The following RAI14 variants were observed in gnomAD, a reference collection of about 807,000 sequenced individuals.
RAI14 encodes the protein ankycorbin.
A neutral mutation model predicts 115.4 loss-of-function variants in RAI14; 45 were observed. The observed-to-expected ratio is 0.39, with a 90% CI of 0.31 to 0.50. RAI14 has a LOEUF of 0.50. RAI14 is among the 20% of genes least tolerant of loss of function. RAI14 has a pLI of 0.85. For synonymous variants in RAI14, 371 were observed against 415.4 expected (o/e 0.89, Z 1.30); for missense variants, 939 against 1,131.2 (o/e 0.83, Z 2.44).
intron 2 of RAI14, among the ~76,000 whole-genome samples, chr5:34,725,962 CAAA>C (rs199657623): frequency 1.8e-5 from 2 of 113,742 alleles, no homozygotes; most frequent in African/African-American, 3.0e-5. Flanking sequence ...AACTGCTTCT[CAAA>C]AAAAAAAAAA....
intron 3 of RAI14, among the ~76,000 whole-genome samples, chr5:34,771,596 A>T (rs1175870114): frequency 1.3e-5 from 2 of 152,314 alleles, no homozygotes; most frequent in Middle Eastern, 3.4e-3. Context: ...GAATAGCAAC[A>T]GTTCAAGCCT....
chr5:34,795,465 G>A (rs1753404711), intron 3 of RAI14, among the ~76,000 whole-genome samples: 1 of 152,192 alleles, frequency 6.6e-6, no homozygotes, highest in South Asian at 2.1e-4. Context: ...AGTGGGCATT[G>A]AGTTGTCCAA....
At chr5:34,726,260 AT>A (rs1743450541) in intron 2 of RAI14, among the ~76,000 whole-genome samples, 1 of 152,132 alleles carries the variant, frequency 6.6e-6, no homozygotes, top group Non-Finnish European at 1.5e-5. Context: ...GAACTCAGTA[AT>A]TTATAAAGAA....
At chr5:34,822,207 A>G (rs1255978217) in intron 14 of RAI14, among the ~76,000 whole-genome samples, 2 of 146,426 alleles carry the variant, frequency 1.4e-5, no homozygotes, top group East Asian at 3.9e-4. Flanking sequence ...GATTTTATAT[A>G]TATTAAAATT....
chr5:34,798,699 C>A lies in RAI14; in HGVS notation c.256+2672C>A, dbSNP rs1255227973. ...CCTGAGAGGCTGGTGCAGTGCTGAG[C>A]AGGAAGACCTGGATGCCCCAAGGCA... On this transcript the variant is annotated intron_variant, in intron 4 of 17. Coordinates refer to ENST00000265109, the MANE Select transcript of RAI14 (RefSeq NM_015577.3). Among the ~76,000 whole-genome samples the A allele has an allele frequency of 2.0e-5, 3 of 152,158 alleles. No homozygotes were observed. In the East Asian group the frequency reaches 5.8e-4, roughly 29 times the overall value.
At chr5:34,662,183 A>AT (rs1742744070) in intron 1 of RAI14, among the ~76,000 whole-genome samples, 3 of 152,042 alleles carry the variant, frequency 2.0e-5, no homozygotes, top group African/African-American at 2.4e-5. Context: ...ATCTATGAGG[A>AT]TTTTTTTGGA....
chr5:34,796,098 A>T (rs539999128), intron 4 of RAI14, 71 bp downstream of exon 4: 1 of 1,270,672 alleles, frequency 7.9e-7, no homozygotes, highest in Admixed American at 1.8e-5. Context: ...ATACATATTC[A>T]TTATGGAAAA....
intron 1 of RAI14, among the ~76,000 whole-genome samples, chr5:34,670,306 G>C (rs1743527788): frequency 6.6e-6 from 1 of 152,128 alleles, no homozygotes; most frequent in African/African-American, 2.4e-5. Context: ...TTGAACCTTA[G>C]TTTAATCTAG....
intron 12 of RAI14, 127 bp from the exon 13 acceptor site, chr5:34,818,669 CT>C: frequency 1.7e-6 from 1 of 599,586 alleles, no homozygotes; most frequent in East Asian, 2.9e-5. Flanking sequence ...TCGAGATTTT[CT>C]AGCTGCTTTT....
intron 2 of RAI14, among the ~76,000 whole-genome samples, chr5:34,705,989 T>C (rs1473521796): frequency 1.3e-5 from 2 of 152,226 alleles, no homozygotes. Context: ...ATCCCCTGTA[T>C]TTGCTCTCTG....
chr5:34,730,964 A>G (rs1379296060), intron 2 of RAI14, among the ~76,000 whole-genome samples: 3 of 152,256 alleles, frequency 2.0e-5, no homozygotes, highest in South Asian at 2.1e-4. Flanking sequence ...AGCCTGGGCA[A>G]CAAGAGTGAA....
At chr5:34,701,723 C>T (rs1740096992) in intron 2 of RAI14, among the ~76,000 whole-genome samples, 1 of 152,204 alleles carries the variant, frequency 6.6e-6, no homozygotes. Context: ...CATATGTTCT[C>T]AGGACCTCCT....
chr5:34,822,715 G>T (rs1757010780), intron 14 of RAI14, among the ~76,000 whole-genome samples: 2 of 103,224 alleles, frequency 1.9e-5, no homozygotes, highest in African/African-American at 3.7e-5. Flanking sequence ...ACGGAGTCTT[G>T]CTCTGTCGCC....
chr5:34,696,908 A>G (rs1375548361), intron 2 of RAI14, among the ~76,000 whole-genome samples: 1 of 152,100 alleles, frequency 6.6e-6, no homozygotes, highest in African/African-American at 2.4e-5. Context: ...AGGTAGGTGG[A>G]TCACATGAGG....
At chr5:34,720,067 C>T (rs1742473241) in intron 2 of RAI14, among the ~76,000 whole-genome samples, 1 of 152,024 alleles carries the variant, frequency 6.6e-6, no homozygotes, top group Non-Finnish European at 1.5e-5. Flanking sequence ...AAGAATTGGC[C>T]TCTAGTTAGG....
chr5:34,674,648 G>A (rs1353232006), intron 1 of RAI14, among the ~76,000 whole-genome samples: 2 of 148,864 alleles, frequency 1.3e-5, no homozygotes, highest in African/African-American at 5.0e-5. Flanking sequence ...ACAGTGGTGC[G>A]ATCTCACCTG....
At chr5:34,799,685 A>ATGTTTTTT (rs1754018572) in intron 4 of RAI14, among the ~76,000 whole-genome samples, 1 of 103,414 alleles carries the variant, frequency 9.7e-6, no homozygotes, top group Admixed American at 1.1e-4. Flanking sequence ...ATCTGTTAGC[A>ATGTTTTTT]TTTTTTTTTT....
chr5:34,786,144 G>A (rs1204283004), intron 3 of RAI14, among the ~76,000 whole-genome samples: 3 of 152,194 alleles, frequency 2.0e-5, no homozygotes, highest in African/African-American at 7.2e-5. Context: ...ACGGGGCCCG[G>A]GATGGGCCCC....
At chr5:34,755,061 A>G (rs1313160868) in intron 2 of RAI14, among the ~76,000 whole-genome samples, 1 of 151,816 alleles carries the variant, frequency 6.6e-6, no homozygotes, top group African/African-American at 2.4e-5. Context: ...AGGATTCTAT[A>G]GGTAGGGATC....
Sources: gnomAD v4.1 joint callset for allele counts (sites outside exome capture counted in the v4.1 genomes callset) on GRCh38, gnomAD v4.1.1 for gene constraint, MANE v1.5 for transcripts, NCBI Gene and HGNC (gene_info 2026-07-23, HGNC 2026-07-21) for gene names.